The following GALNT17 variants were observed in gnomAD, a reference collection of about 807,000 sequenced individuals.
GALNT17 encodes UDP-GalNAc:polypeptide N-acetylgalactosaminyltransferase-like 3.
Under a neutral mutation model 63.7 loss-of-function variants are expected in GALNT17, and 29 were observed. The observed-to-expected ratio is 0.46, with a 90% CI of 0.34 to 0.62. GALNT17 has a LOEUF of 0.62. Among genes scored for constraint, GALNT17 ranks in the 20% least tolerant of loss-of-function variants. The probability of loss-of-function intolerance (pLI) is 0.01; values close to 1 mark genes in which losing one functional copy is unlikely to be tolerated. For synonymous variants in GALNT17, 305 were observed against 318.3 expected, an observed-to-expected ratio of 0.96 and a Z score of 0.45; for missense variants, 603 against 799.6, an observed-to-expected ratio of 0.75 and a Z score of 2.97.
chr7:71,225,914 GAC>G (rs1481467202), intron 1 of GALNT17, among the ~76,000 whole-genome samples: 2 of 152,084 alleles, frequency 1.3e-5, no homozygotes, highest in African/African-American at 2.4e-5. Context: ...TAAAAAAAGA[GAC>G]AAGTTATATC....
At chr7:71,212,649 G>A (rs1457427348) in intron 1 of GALNT17, among the ~76,000 whole-genome samples, 1 of 152,110 alleles carries the variant, frequency 6.6e-6, no homozygotes, top group Non-Finnish European at 1.5e-5. Flanking sequence ...AAAGCCACAG[G>A]GTTGGAGCTT....
rs543856181 is a variant in GALNT17, at chr7:71,158,304, G to A, written c.238+25264G>A. Among the ~76,000 whole-genome samples, 112 of 151,844 alleles carry A rather than the reference G, an allele frequency of 7.4e-4. 5 individuals are homozygous for A. In the South Asian group the frequency reaches 0.022, roughly 30 times the overall value. On this transcript the variant is annotated intron_variant, in intron 1 of 10. Coordinates refer to ENST00000333538, the MANE Select transcript of GALNT17 (RefSeq NM_022479.3). ...AAGGTAGTTGGCACTCCCTTTGGGG[G>A]TTGACTGCCTTCTTTGAGATTGTAG...
rs554291364 is a variant in GALNT17, at chr7:71,165,471, A to AAG, written c.238+32439_238+32440dup. ...CGTTTCACATGGCGACAGACAAGAG[A>AAG]AGAGAGAGAAGAGAGTTTGTGCAGG... is the stretch of plus-strand genomic sequence containing the variant. On this transcript the variant is annotated intron_variant, in intron 1 of 10. Transcript: ENST00000333538. Among the ~76,000 whole-genome samples, 439 of 104,980 alleles carry AAG rather than the reference A, an allele frequency of 4.2e-3. 2 individuals are homozygous for AAG. Among genetic ancestry groups the AAG allele is most frequent in the African/African-American group, 0.013 (424 of 32,550 alleles). The allele number at this position is 104,980 out of a possible 152,430, so 68.9% of individuals were successfully genotyped here.
chr7:71,586,053 G>A (rs2116908254), intron 6 of GALNT17, among the ~76,000 whole-genome samples: 1 of 151,940 alleles, frequency 6.6e-6, no homozygotes, highest in African/African-American at 2.4e-5. Flanking sequence ...GACTACAGGC[G>A]CCTGCCACCA....
rs775354917 is a variant in GALNT17 at position 71,231,230 on chromosome 7, GT to G, written c.238+98204del. On this transcript the variant is annotated intron_variant, in intron 1 of 10. Transcript: ENST00000333538. ...TGTTGGACTGAAGGATATTTTTGCT[GT>G]TTTTTTTTTTTTTCCAGTAGACCCT... 6.9e-3 allele frequency among the ~76,000 whole-genome samples: 974 copies of G among 140,344 alleles called. 17 individuals are homozygous for G. The highest frequency in any genetic ancestry group is 0.047 in the Admixed American group (660 of 14,126). The allele number at this position is 140,344 out of a possible 152,430, so 92.1% of individuals were successfully genotyped here.
At chr7:71,676,768 G>A (rs755718147) in intron 8 of GALNT17, among the ~76,000 whole-genome samples, 2 of 152,126 alleles carry the variant, frequency 1.3e-5, no homozygotes, top group African/African-American at 2.4e-5. Flanking sequence ...AACCAATGTC[G>A]GTGCTGAGGC....
At chr7:71,701,843 GTA>G (rs748494176) in intron 9 of GALNT17, among the ~76,000 whole-genome samples, 5 of 28,664 alleles carry the variant, frequency 1.7e-4, no homozygotes, top group South Asian at 9.1e-4. Context: ...ATATATATGT[GTA>G]TATATATATA....
At chr7:71,710,175 A>G (rs367718930) in intron 9 of GALNT17, among the ~76,000 whole-genome samples, 32 of 152,286 alleles carry the variant, frequency 2.1e-4, no homozygotes, top group African/African-American at 7.2e-4. Context: ...GTTGCTGAAC[A>G]GAAGACTAGG....
At chr7:71,302,015 C>T (rs1404455217) in intron 1 of GALNT17, among the ~76,000 whole-genome samples, 2 of 152,088 alleles carry the variant, frequency 1.3e-5, no homozygotes, top group Non-Finnish European at 2.9e-5. Flanking sequence ...TACTGTGTAG[C>T]CATAAAAAGG....
chr7:71,237,781 T>C (rs1247223970), intron 1 of GALNT17, among the ~76,000 whole-genome samples: 2 of 152,166 alleles, frequency 1.3e-5, no homozygotes, highest in African/African-American at 2.4e-5. Context: ...AGTGGCTAAA[T>C]AAGAGTTTTG....
At chr7:71,605,788 A>G (rs1436538422) in intron 6 of GALNT17, among the ~76,000 whole-genome samples, 1 of 152,180 alleles carries the variant, frequency 6.6e-6, no homozygotes, top group Non-Finnish European at 1.5e-5. Context: ...CATAGGAAAC[A>G]GAAATTCATT....
intron 6 of GALNT17, among the ~76,000 whole-genome samples, chr7:71,585,011 T>A (rs1349082477): frequency 1.3e-5 from 2 of 152,244 alleles, no homozygotes; most frequent in East Asian, 3.8e-4. Context: ...ATTTGTCCTA[T>A]ACAATTTCAC....
intron 1 of GALNT17, among the ~76,000 whole-genome samples, chr7:71,282,783 G>A (rs1263787509): frequency 6.6e-6 from 1 of 151,976 alleles, no homozygotes; most frequent in Non-Finnish European, 1.5e-5. Context: ...ACTGAGAAAA[G>A]GCTAAAGCCT....
At chr7:71,263,664 C>T (rs560574372) in intron 1 of GALNT17, among the ~76,000 whole-genome samples, 25 of 152,220 alleles carry the variant, frequency 1.6e-4, no homozygotes, top group African/African-American at 6.0e-4. Context: ...TGGCTCATGC[C>T]TGTAATCCCA....
At chr7:71,420,120 G>T (rs1456739453) in intron 4 of GALNT17, among the ~76,000 whole-genome samples, 1 of 152,144 alleles carries the variant, frequency 6.6e-6, no homozygotes, top group African/African-American at 2.4e-5. Context: ...TATGGGAAAT[G>T]ATCCCTTCCC....
chr7:71,301,304 G>T (rs1791191927), intron 1 of GALNT17, among the ~76,000 whole-genome samples: 1 of 148,398 alleles, frequency 6.7e-6, no homozygotes. Context: ...TTTTTTTAAA[G>T]TAATAATACT....
At chr7:71,700,999 CA>C (rs765657380) in intron 9 of GALNT17, among the ~76,000 whole-genome samples, 2 of 152,152 alleles carry the variant, frequency 1.3e-5, no homozygotes, top group Non-Finnish European at 2.9e-5. Flanking sequence ...AAAAGTTAAG[CA>C]AACACACCCC....
rs189137691 is a variant in GALNT17, at chr7:71,700,392, G to C, written c.1501-10369G>C. Among the ~76,000 whole-genome samples the C allele has an allele frequency of 2.9e-4, 44 of 151,834 alleles. No individual in the cohort carries two copies. In the East Asian group the frequency reaches 8.5e-3, roughly 29 times the overall value. ...TCTTCTAACCTTCACTGTCACACTT[G>C]AGTTCAGACCTTCATCCGCCCCTCT... is the stretch of plus-strand genomic sequence containing the variant. On this transcript the variant is annotated intron_variant, in intron 9 of 10. Transcript: ENST00000333538.
chr7:71,242,304 C>G (rs1362781614), intron 1 of GALNT17, among the ~76,000 whole-genome samples: 2 of 128,284 alleles, frequency 1.6e-5, no homozygotes, highest in Admixed American at 9.5e-5. Flanking sequence ...GAGTCTCACT[C>G]TGTCGCCCAG....
Sources: allele counts gnomAD v4.1 joint callset (sites outside exome capture counted in the v4.1 genomes callset), GRCh38; gene constraint gnomAD v4.1.1; transcripts MANE v1.5; gene names NCBI Gene and HGNC (gene_info 2026-07-23, HGNC 2026-07-21).